The following MRPS18C variants were observed in gnomAD, a reference collection of about 807,000 sequenced individuals.
MRPS18C encodes the protein mitochondrial ribosomal protein S18C.
MRPS18C carries 21 observed loss-of-function variants against 21.0 expected under a neutral mutation model. That is an observed-to-expected ratio of 1.00 (90% CI 0.71 to 1.44). MRPS18C has a LOEUF of 1.44. Ranked by LOEUF, MRPS18C falls within the 40% of genes most tolerant of loss-of-function variation. The pLI, the probability that MRPS18C is intolerant of heterozygous loss-of-function variation, is 0.00. For missense variants in MRPS18C, 152 were observed against 171.5 expected (o/e 0.89, Z 0.64); for synonymous variants, 65 against 54.3 (o/e 1.20, Z -0.87).
At chr4:83,459,969 A>G (rs1201815104) in intron 4 of MRPS18C, 172 bp downstream of exon 4, 1 of 531,048 alleles carries the variant, frequency 1.9e-6, no homozygotes, top group East Asian at 3.4e-5. Context: ...CAAGAGGATT[A>G]TTATTTTGCT....
At chr4:83,458,593 T>G (rs1190705740) in intron 3 of MRPS18C, 164 bp downstream of exon 3, 7 of 505,674 alleles carry the variant, frequency 1.4e-5, no homozygotes, top group Non-Finnish European at 2.4e-5. Flanking sequence ...TATCTCTGCT[T>G]TATTCAAGTA....
At chr4:83,458,748 T>C (rs1287676409) in intron 3 of MRPS18C, 1 of 227,502 alleles carries the variant, frequency 4.4e-6, no homozygotes, top group Non-Finnish European at 8.5e-6. Flanking sequence ...GAAGCTGATC[T>C]CTTTATCTCA....
Position 83,458,366 on chromosome 4 carries a change from T to G in MRPS18C, c.171T>G (p.Pro57=). Residue 57 remains proline, a synonymous_variant, in exon 3 of 6, where the codon CCT becomes CCG. Transcript: ENST00000295491. ...NEDLPISMEN[P]YKEPLKKCIL... ...CCTAGCCCATTTCAATGGAAAATCCTTATAAAGAACCTCTTAAGAAATGTA... is the reference window on the plus strand; with the variant it reads ...CCTAGCCCATTTCAATGGAAAATCCGTATAAAGAACCTCTTAAGAAATGTA... 6.9e-6 allele frequency: 11 copies of G among 1,602,758 alleles called. No individual in the cohort carries two copies. The highest frequency in any genetic ancestry group is 8.5e-6 in the Non-Finnish European group (10 of 1,171,000).
intron 2 of MRPS18C, 188 bp from the exon 3 acceptor site, chr4:83,458,158 T>C: frequency 2.1e-6 from 1 of 486,622 alleles, no homozygotes; most frequent in Non-Finnish European, 3.6e-6. Flanking sequence ...AGATTGTACT[T>C]TATTCCAGAA....
At chr4:83,458,486 T>A in intron 3 of MRPS18C, 57 bp downstream of exon 3, 1 of 1,326,860 alleles carries the variant, frequency 7.5e-7, no homozygotes, top group Non-Finnish European at 1.0e-6. Context: ...TAGATCTGCT[T>A]AAAGAGAATC....
intron 2 of MRPS18C, chr4:83,457,415 G>T (rs1031524503): frequency 6.5e-6 from 1 of 154,394 alleles, no homozygotes; most frequent in African/African-American, 2.4e-5. Flanking sequence ...GAAAGCACAG[G>T]TTCTTGCTAC....
intron 1 of MRPS18C, 61 bp downstream of exon 1, chr4:83,456,238 G>T: frequency 7.0e-7 from 1 of 1,425,852 alleles, no homozygotes; most frequent in Non-Finnish European, 9.8e-7. Flanking sequence ...TAGTCCTAAT[G>T]GTTAGAGTCG....
intron 4 of MRPS18C, 87 bp downstream of exon 4, chr4:83,459,884 A>G: frequency 9.2e-7 from 1 of 1,087,104 alleles, no homozygotes; most frequent in South Asian, 1.5e-5. Context: ...CAAATTTTCA[A>G]ATTGTGCTAT....
At position 83,459,600 on chromosome 4, in the gene MRPS18C, A is replaced by G. The variant is rs1041258644; in HGVS notation, c.235-140A>G. The G allele has an allele frequency of 2.5e-5, 17 of 684,764 alleles. No homozygotes were observed. In the African/African-American group the frequency reaches 2.9e-4, roughly 12 times the overall value. The allele number at this position is 684,764 out of a possible 1,614,324, so 42.4% of individuals were successfully genotyped here. On this transcript the variant is annotated intron_variant, in intron 3 of 5. Transcript: ENST00000295491. Reference sequence around the variant, plus strand: ...TAAAAGGTAACAGGAGGATAACAATATTTTTTTCTTATATTTTATGAAATG... The same window carrying G: ...TAAAAGGTAACAGGAGGATAACAATGTTTTTTTCTTATATTTTATGAAATG...
Position 83,461,353 on chromosome 4 carries a change from T to A in MRPS18C, c.*156T>A. On this transcript the variant is annotated 3_prime_UTR_variant, in exon 6 of 6. Transcript: ENST00000295491. Reference sequence around the variant, plus strand: ...ACCAATGTCCATTAAGCAGATTGCTTATTTAAAATGTTAACACTCATCACA... The same window carrying A: ...ACCAATGTCCATTAAGCAGATTGCTAATTTAAAATGTTAACACTCATCACA... 3.2e-6 allele frequency: 2 copies of A among 621,206 alleles called. No homozygotes were observed. The highest frequency in any genetic ancestry group is 3.7e-5 in the South Asian group (2 of 53,694). 38.5% of individuals were successfully genotyped at this position (621,206 alleles called of 1,614,324 possible). A position where few individuals can be genotyped will look rare whatever the true frequency, so the allele number is the denominator to read the frequency against.
chr4:83,456,257 A>T, intron 1 of MRPS18C, 80 bp downstream of exon 1: 2 of 1,135,780 alleles, frequency 1.8e-6, no homozygotes, highest in Non-Finnish European at 1.3e-6. Context: ...CGTCCCTGTT[A>T]GCAAAACGAC....
chr4:83,456,389 G>C (rs1721824995), intron 1 of MRPS18C, among the ~76,000 whole-genome samples: 1 of 152,146 alleles, frequency 6.6e-6, no homozygotes, highest in Non-Finnish European at 1.5e-5. Context: ...AGTTGGAGTG[G>C]TTCTTAAAAA....
Position 83,458,337 on chromosome 4 carries a change from T to G in MRPS18C, c.151-9T>G. On this transcript the variant is annotated splice_polypyrimidine_tract_variant and intron_variant, in intron 2 of 5. Coordinates refer to ENST00000295491, the MANE Select transcript of MRPS18C (RefSeq NM_016067.4). ...ATCCTATTATCAGACTTTTCGTTTTTTTCCCTAGCCCATTTCAATGGAAAA... is the reference window on the plus strand; with the variant it reads ...ATCCTATTATCAGACTTTTCGTTTTGTTCCCTAGCCCATTTCAATGGAAAA... The G allele has an allele frequency of 6.3e-7, 1 of 1,578,044 alleles. No individual in the cohort carries two copies. Among genetic ancestry groups the G allele is most frequent in the Middle Eastern group, 1.7e-4 (1 of 5,982 alleles).
chr4:83,456,110 A>G lies in MRPS18C; in HGVS notation c.33A>G (p.Leu11=). The change falls in exon 1 of 6, where the codon CTA becomes CTG. Residue 11 remains leucine (L), a synonymous_variant. Coordinates refer to ENST00000295491, the MANE Select transcript of MRPS18C (RefSeq NM_016067.4). ...CTGTGGTTGCTGTTTGCGGTGGTCT[A>G]GGGAGGAAGAAGTTGACACACTTGG... MAAVVAVCGG[L]GRKKLTHLVT... 6.2e-7 allele frequency: 1 copy of G among 1,612,950 alleles called. No individual in the cohort carries two copies. Among genetic ancestry groups the G allele is most frequent in the Non-Finnish European group, 8.5e-7 (1 of 1,180,016 alleles).
chr4:83,460,868 T>C (rs1722071152), intron 4 of MRPS18C, 105 bp from the exon 5 acceptor site: 1 of 932,658 alleles, frequency 1.1e-6, no homozygotes, highest in Admixed American at 2.4e-5. Context: ...AGAGCACCAC[T>C]GTACTCCAGC....
intron 2 of MRPS18C, 88 bp from the exon 3 acceptor site, chr4:83,458,258 C>A: frequency 1.1e-6 from 1 of 929,182 alleles, no homozygotes; most frequent in Non-Finnish European, 1.7e-6. Flanking sequence ...ATAACTAATC[C>A]TTTGAATGGA....
At chr4:83,457,249 T>A in intron 2 of MRPS18C, 1 of 287,446 alleles carries the variant, frequency 3.5e-6, no homozygotes, top group Non-Finnish European at 6.3e-6. Context: ...GGATATGTGA[T>A]TTGGGAATTG....
rs1430639595 is a variant in MRPS18C at position 83,461,179 on chromosome 4, C to A, written c.411C>A (p.Asn137Lys). The change falls in exon 6 of 6, where the codon AAC becomes AAA. Residue 137 changes from asparagine to lysine, a missense_variant. This residue lies in a region of MRPS18C where 34 missense variants were observed against 67.1 expected (regional missense o/e 0.51). Transcript: ENST00000295491. ...PAYLKDPKVC[N>K]IRYRE The stretch of plus-strand genomic sequence containing the variant: ...ATCTCAAGGACCCTAAAGTTTGTAA[C>A]ATCAGATATCGGGAATAAATTCTAT... The A allele has an allele frequency of 1.2e-6, 2 of 1,612,166 alleles. No individual in the cohort carries two copies.
In MRPS18C at chr4:83,461,384, T is replaced by A; in HGVS notation, c.*187T>A. The A allele has an allele frequency of 1.8e-6, 1 of 565,096 alleles. No individual in the cohort carries two copies. Among genetic ancestry groups the A allele is most frequent in the Non-Finnish European group, 3.2e-6 (1 of 315,172 alleles). The allele number at this position is 565,096 out of a possible 1,614,324, so 35.0% of individuals were successfully genotyped here. A position where few individuals can be genotyped will look rare whatever the true frequency, so the allele number is the denominator to read the frequency against. On this transcript the variant is annotated 3_prime_UTR_variant, in exon 6 of 6. Coordinates refer to ENST00000295491, the MANE Select transcript of MRPS18C (RefSeq NM_016067.4). ...AAATGTTAACACTCATCACATTTTATCTATGTTGAATAAAAGTGGTTCTGT... is the reference window on the plus strand; with the variant it reads ...AAATGTTAACACTCATCACATTTTAACTATGTTGAATAAAAGTGGTTCTGT...
Sources: gnomAD v4.1 joint callset for allele counts (sites outside exome capture counted in the v4.1 genomes callset) on GRCh38, gnomAD v4.1.1 for gene constraint, gnomAD v4.1.1 regional missense constraint, MANE v1.5 for transcripts, NCBI Gene and HGNC (gene_info 2026-07-23, HGNC 2026-07-21) for gene names.